METTL15: variants seen among roughly 807,000 people sequenced by gnomAD.
METTL15 encodes methyltransferase 15, mitochondrial 12S rRNA N4-cytidine, also known as 12S rRNA N(4)-cytidine methyltransferase METTL15.
In METTL15, 34 loss-of-function variants were observed where a neutral mutation model predicts 38.3. That is an observed-to-expected ratio of 0.89 (90% CI 0.68 to 1.18). METTL15 has a LOEUF of 1.18. Among genes scored for constraint, METTL15 ranks in the 50% most tolerant of loss-of-function variants. The probability of loss-of-function intolerance (pLI) is 0.00; values close to 1 mark genes in which losing one functional copy is unlikely to be tolerated. For synonymous variants in METTL15, 162 were observed against 170.9 expected (o/e 0.95, Z 0.41); for missense variants, 438 against 498.4 (o/e 0.88, Z 1.15).
At chr11:28,270,251 A>T (rs1199037676) in intron 4 of METTL15, among the ~76,000 whole-genome samples, 2 of 152,122 alleles carry the variant, frequency 1.3e-5, no homozygotes, top group African/African-American at 2.4e-5. Context: ...ATTTATTTTT[A>T]ACTGACAAAT....
intron 3 of METTL15, among the ~76,000 whole-genome samples, chr11:28,198,579 G>A (rs1441796948): frequency 6.6e-6 from 1 of 152,040 alleles, no homozygotes; most frequent in Non-Finnish European, 1.5e-5. Flanking sequence ...TGTTTTGTTT[G>A]TTGTAAAACT....
chr11:28,402,801 C>T (rs2133405411), intron 5 of METTL15, among the ~76,000 whole-genome samples: 1 of 151,798 alleles, frequency 6.6e-6, no homozygotes, highest in Admixed American at 6.6e-5. Flanking sequence ...GTACATTGTA[C>T]CCATTAAGTA....
At chr11:28,372,641 T>C (rs112321988) in intron 5 of METTL15, among the ~76,000 whole-genome samples, 181 of 151,946 alleles carry the variant, frequency 1.2e-3, no homozygotes, top group African/African-American at 4.0e-3. Context: ...TATTATACTT[T>C]AAGTTTTAGG....
intron 6 of METTL15, among the ~76,000 whole-genome samples, chr11:28,310,075 A>G (rs1299123058): frequency 6.6e-6 from 1 of 152,162 alleles, no homozygotes; most frequent in East Asian, 1.9e-4. Context: ...CACCTGGTAA[A>G]GAAACCTAGG....
intron 3 of METTL15, among the ~76,000 whole-genome samples, chr11:28,194,335 A>G (rs1323565106): frequency 6.6e-6 from 1 of 151,620 alleles, no homozygotes; most frequent in Admixed American, 6.6e-5. Flanking sequence ...AGTAGCTGGG[A>G]TTACAGGCGT....
intron 3 of METTL15, among the ~76,000 whole-genome samples, chr11:28,167,999 A>G (rs1275238863): frequency 6.6e-6 from 1 of 152,136 alleles, no homozygotes; most frequent in Non-Finnish European, 1.5e-5. Flanking sequence ...TAGAATTAAA[A>G]TTAGAAGATC....
intron 5 of METTL15, among the ~76,000 whole-genome samples, chr11:28,406,228 T>G (rs1427906133): frequency 2.0e-5 from 3 of 152,176 alleles, no homozygotes; most frequent in African/African-American, 7.2e-5. Context: ...TATTTTCCAT[T>G]TGTTTTTGTC....
At position 28,409,753 on chromosome 11, in the gene METTL15, G is replaced by A. The variant is rs144435219; in HGVS notation, c.*359-14546G>A. On this transcript the variant is annotated intron_variant and NMD_transcript_variant, in intron 5 of 7. Coordinates refer to the METTL15 transcript ENST00000532947. ...CTAGAAAAAGAAAAACAGACTTACCGCAAAGTTAGCAGAAGGAAGGAAATA... is the reference window on the plus strand; with the variant it reads ...CTAGAAAAAGAAAAACAGACTTACCACAAAGTTAGCAGAAGGAAGGAAATA... Among the ~76,000 whole-genome samples the A allele has an allele frequency of 8.4e-4, 127 of 151,966 alleles. 1 individual carries two copies. The East Asian group carries it at 0.023, about 27-fold the overall frequency.
chr11:28,423,917 A>G (rs909058142), intron 5 of METTL15, among the ~76,000 whole-genome samples: 1 of 152,062 alleles, frequency 6.6e-6, no homozygotes, highest in Admixed American at 6.6e-5. Context: ...ATGCACTCTG[A>G]TGTGATTATT....
At chr11:28,239,908 A>T (rs1590206900) in intron 4 of METTL15, among the ~76,000 whole-genome samples, 1 of 152,220 alleles carries the variant, frequency 6.6e-6, no homozygotes, top group African/African-American at 2.4e-5. Context: ...AATAATAATT[A>T]CTAGTTTATT....
At position 28,486,395 on chromosome 11, in the gene METTL15, T is replaced by A. The variant is rs1851439707; in HGVS notation, c.*425-40083T>A. Among the ~76,000 whole-genome samples, 4 of 151,978 alleles carry A rather than the reference T, an allele frequency of 2.6e-5. 1 individual carries two copies. The South Asian group carries it at 8.3e-4, about 31-fold the overall frequency. ...GGAAAAAAGAATGTGTTTTTTCCTT[T>A]TTTTTTTTCTCTGCCTCTCTTAGAT... On this transcript the variant is annotated intron_variant and NMD_transcript_variant, in intron 6 of 7. Transcript: ENST00000532947.
chr11:28,372,105 T>A (rs1850249696), intron 5 of METTL15, among the ~76,000 whole-genome samples: 1 of 152,110 alleles, frequency 6.6e-6, no homozygotes, highest in African/African-American at 2.4e-5. Context: ...CCCTGTTCAG[T>A]ACAATGTTAG....
intron 3 of METTL15, among the ~76,000 whole-genome samples, chr11:28,115,063 A>G (rs1851881257): frequency 6.6e-6 from 1 of 152,130 alleles, no homozygotes; most frequent in South Asian, 2.1e-4. Flanking sequence ...ACCCTGAAGT[A>G]TTAGAGTTCC....
Position 28,152,772 on chromosome 11 carries a change from TAGAA to T in METTL15, c.270+39171_270+39174del, listed in dbSNP as rs1263247426. 2.0e-5 allele frequency among the ~76,000 whole-genome samples: 3 copies of T among 147,212 alleles called. No individual in the cohort carries two copies. In the East Asian group the frequency reaches 6.4e-4, roughly 32 times the overall value. On this transcript the variant is annotated intron_variant, in intron 3 of 6. Coordinates refer to ENST00000407364, the MANE Select transcript of METTL15 (RefSeq NM_001113528.2). ...TCTTAGATCTAGTGCAAGAAAGAATTAGAAAGGAATAAAAGAGTGGCCACTCTAT... is the reference window on the plus strand; with the variant it reads ...TCTTAGATCTAGTGCAAGAAAGAATTAGGAATAAAAGAGTGGCCACTCTAT...
At chr11:28,372,915 C>T (rs1215572155) in intron 5 of METTL15, among the ~76,000 whole-genome samples, 3 of 150,204 alleles carry the variant, frequency 2.0e-5, no homozygotes, top group South Asian at 4.2e-4. Context: ...TGATGATTTC[C>T]AATTTCATCC....
downstream of METTL15, among the ~76,000 whole-genome samples, chr11:28,528,638 C>T (rs1164126665): frequency 2.0e-5 from 3 of 152,198 alleles, no homozygotes; most frequent in Non-Finnish European, 2.9e-5. Context: ...AAAGATCAGG[C>T]TTATGAATGT....
At chr11:28,190,214 G>A (rs570061628) in intron 3 of METTL15, among the ~76,000 whole-genome samples, 47 of 151,124 alleles carry the variant, frequency 3.1e-4, no homozygotes, top group Non-Finnish European at 4.8e-4. Flanking sequence ...ACCTAGAGAG[G>A]GGAAATGTAT....
At chr11:28,317,542 T>C (rs1479393629) in intron 6 of METTL15, among the ~76,000 whole-genome samples, 1 of 152,174 alleles carries the variant, frequency 6.6e-6, no homozygotes, top group Non-Finnish European at 1.5e-5. Context: ...GCTAATTTCA[T>C]TCACAAGCTT....
intron 6 of METTL15, among the ~76,000 whole-genome samples, chr11:28,297,992 A>C (rs1812051885): frequency 6.6e-6 from 1 of 152,084 alleles, no homozygotes; most frequent in African/African-American, 2.4e-5. Flanking sequence ...ATAAGACTAT[A>C]TTCTACTTAG....
Sources: gnomAD v4.1 joint callset for allele counts (sites outside exome capture counted in the v4.1 genomes callset) on GRCh38, gnomAD v4.1.1 for gene constraint, MANE v1.5 for transcripts, NCBI Gene and HGNC (gene_info 2026-07-23, HGNC 2026-07-21) for gene names.